Variants in LRP1B observed in about 807,000 individuals in gnomAD.
The protein encoded by LRP1B is LDL receptor related protein 1B.
A neutral mutation model predicts 556.6 loss-of-function variants in LRP1B; 217 were observed. That is an observed-to-expected ratio of 0.39 (90% CI 0.35 to 0.44). LRP1B has a LOEUF of 0.44. LRP1B is among the 20% of genes least tolerant of loss of function. LRP1B has a pLI of 1.00. For missense variants in LRP1B, 5,053 were observed against 5,620.8 expected (o/e 0.90, Z 3.23); for synonymous variants, 2,047 against 1,865.8 (o/e 1.10, Z -2.50).
intron 3 of LRP1B, among the ~76,000 whole-genome samples, chr2:141,390,095 G>A (rs1396002629): frequency 6.6e-6 from 1 of 152,122 alleles, no homozygotes. Flanking sequence ...CCGAGATCAC[G>A]CCATTGCACT....
At chr2:142,026,835 G>A (rs1055120856) in intron 1 of LRP1B, among the ~76,000 whole-genome samples, 1 of 151,978 alleles carries the variant, frequency 6.6e-6, no homozygotes, top group African/African-American at 2.4e-5. Flanking sequence ...GTAACTTCCA[G>A]TGCTGTTGGG....
chr2:140,422,942 G>T (rs1685508062), intron 66 of LRP1B, among the ~76,000 whole-genome samples: 1 of 152,194 alleles, frequency 6.6e-6, no homozygotes, highest in Admixed American at 6.5e-5. Flanking sequence ...AATTCAGCAA[G>T]ATGGTTAGTG....
intron 3 of LRP1B, among the ~76,000 whole-genome samples, chr2:141,443,778 A>G (rs1243670581): frequency 6.6e-6 from 1 of 152,084 alleles, no homozygotes; most frequent in Non-Finnish European, 1.5e-5. Context: ...GCTGTGTTCC[A>G]TTGGTCTGTA....
chr2:140,839,844 A>C, intron 31 of LRP1B, 147 bp downstream of exon 31: 3 of 628,250 alleles, frequency 4.8e-6, no homozygotes, highest in Non-Finnish European at 8.3e-6. Flanking sequence ...ACAGAAACCC[A>C]ATGGATTCAA....
intron 3 of LRP1B, among the ~76,000 whole-genome samples, chr2:141,453,756 G>A (rs560325358): frequency 1.3e-5 from 2 of 151,858 alleles, no homozygotes; most frequent in Non-Finnish European, 2.9e-5. Flanking sequence ...TGTCTCTACT[G>A]AGAATACAAA....
intron 20 of LRP1B, among the ~76,000 whole-genome samples, chr2:140,948,217 T>C (rs1281580460): frequency 6.6e-6 from 1 of 152,162 alleles, no homozygotes; most frequent in Non-Finnish European, 1.5e-5. Context: ...TAGCACATTA[T>C]GGAGTAGTGT....
chr2:141,275,730 A>G (rs1685261688), intron 3 of LRP1B, among the ~76,000 whole-genome samples: 1 of 152,136 alleles, frequency 6.6e-6, no homozygotes, highest in African/African-American at 2.4e-5. Context: ...AAAAGAAAAG[A>G]AATATCAGTA....
chr2:141,915,884 A>C (rs1700017752), intron 1 of LRP1B, among the ~76,000 whole-genome samples: 1 of 152,194 alleles, frequency 6.6e-6, no homozygotes, highest in Non-Finnish European at 1.5e-5. Context: ...ATGAGATATC[A>C]TCTCACACCA....
intron 37 of LRP1B, among the ~76,000 whole-genome samples, chr2:140,705,871 AG>A (rs2105439038): frequency 6.6e-6 from 1 of 152,262 alleles, no homozygotes; most frequent in East Asian, 1.9e-4. Context: ...TAAAAGTAAA[AG>A]GTTTTAATCC....
chr2:140,598,827 A>T lies in LRP1B; in HGVS notation c.6998T>A (p.Phe2333Tyr), dbSNP rs781373770. 6.3e-7 allele frequency: 1 copy of T among 1,590,104 alleles called. No individual in the cohort carries two copies. ...LALDECQNLM[F>Y]WTNWNEQHPS... ...ATGTTGTTCATTCCAGTTGGTCCAA[A>T]ACATTAAACTAATTAAAATGAAAAT... Residue 2333 changes from phenylalanine (F) to tyrosine (Y), a missense_variant, in exon 43 of 91, where the codon TTT becomes TAT. Transcript: ENST00000389484.
intron 43 of LRP1B, among the ~76,000 whole-genome samples, chr2:140,596,413 C>T (rs1228473135): frequency 6.6e-6 from 1 of 152,130 alleles, no homozygotes; most frequent in Non-Finnish European, 1.5e-5. Context: ...GTCGATTTTA[C>T]TGATGTTCTT....
chr2:141,820,889 G>C (rs538710480), intron 1 of LRP1B, among the ~76,000 whole-genome samples: 39 of 152,336 alleles, frequency 2.6e-4, no homozygotes, highest in African/African-American at 9.4e-4. Context: ...TGGAATCTGT[G>C]AATATGTCAC....
intron 1 of LRP1B, among the ~76,000 whole-genome samples, chr2:141,882,401 C>G (rs1558937849): frequency 1.3e-5 from 2 of 152,278 alleles, no homozygotes; most frequent in Non-Finnish European, 2.9e-5. Context: ...CCTGTGAACA[C>G]AGGGCTACAT....
At chr2:141,249,880 A>C (rs1044392881) in intron 4 of LRP1B, among the ~76,000 whole-genome samples, 12 of 151,994 alleles carry the variant, frequency 7.9e-5, no homozygotes, top group African/African-American at 2.9e-4. Context: ...CTTAAATGGA[A>C]CTTGCTTTTT....
intron 3 of LRP1B, among the ~76,000 whole-genome samples, chr2:141,470,213 G>A (rs1559088709): frequency 1.3e-5 from 2 of 152,092 alleles, no homozygotes; most frequent in South Asian, 2.1e-4. Flanking sequence ...AATTTCTAAA[G>A]TTTTTTAACT....
intron 2 of LRP1B, among the ~76,000 whole-genome samples, chr2:141,523,858 C>T (rs1163165114): frequency 2.6e-5 from 4 of 152,114 alleles, no homozygotes; most frequent in Non-Finnish European, 4.4e-5. Flanking sequence ...GGATTCTTTT[C>T]GAAATTTAGC....
At chr2:140,333,053 A>G (rs1433629218) in intron 79 of LRP1B, among the ~76,000 whole-genome samples, 1 of 151,994 alleles carries the variant, frequency 6.6e-6, no homozygotes, top group Non-Finnish European at 1.5e-5. Flanking sequence ...TACCATCCTC[A>G]TATCTTCCAT....
At chr2:141,897,914 A>G (rs1219082816) in intron 1 of LRP1B, among the ~76,000 whole-genome samples, 1 of 152,172 alleles carries the variant, frequency 6.6e-6, no homozygotes, top group African/African-American at 2.4e-5. Flanking sequence ...TTACATGCAT[A>G]TGTATATATA....
intron 32 of LRP1B, among the ~76,000 whole-genome samples, chr2:140,813,331 T>C (rs1488135749): frequency 6.6e-6 from 1 of 152,182 alleles, no homozygotes; most frequent in Non-Finnish European, 1.5e-5. Context: ...GACTTTATTG[T>C]GACAAATGCA....
Sources: allele counts gnomAD v4.1 joint callset (sites outside exome capture counted in the v4.1 genomes callset), GRCh38; gene constraint gnomAD v4.1.1; transcripts MANE v1.5; gene names NCBI Gene and HGNC (gene_info 2026-07-23, HGNC 2026-07-21).